Variants in AMOTL1 observed in about 807,000 individuals in gnomAD.
The protein encoded by AMOTL1 is angiomotin like 1, also known as angiomotin-like protein 1.
In AMOTL1, 45 loss-of-function variants were observed where a neutral mutation model predicts 102.9. That is an observed-to-expected ratio of 0.44 (90% CI 0.34 to 0.56). The LOEUF (loss-of-function observed/expected upper bound fraction) is 0.56, where lower values mean the gene tolerates loss of function less well. AMOTL1 is among the 20% of genes least tolerant of loss of function. The pLI, the probability that AMOTL1 is intolerant of heterozygous loss-of-function variation, is 0.01. For missense variants in AMOTL1, 1,114 were observed against 1,225.6 expected, an observed-to-expected ratio of 0.91 and a Z score of 1.36; for synonymous variants, 481 against 484.7, an observed-to-expected ratio of 0.99 and a Z score of 0.10.
chr11:94,826,496 G>T (rs149043488), intron 4 of AMOTL1, among the ~76,000 whole-genome samples: 119 of 152,198 alleles, frequency 7.8e-4, no homozygotes, highest in African/African-American at 2.5e-3. Flanking sequence ...TATCTTCTTG[G>T]CTTCCAGCGA....
At chr11:94,838,946 C>T (rs193094467) in intron 6 of AMOTL1, among the ~76,000 whole-genome samples, 291 of 152,298 alleles carry the variant, frequency 1.9e-3, no homozygotes, top group Middle Eastern at 6.8e-3. Context: ...ATAGTGAAGT[C>T]TTAGGGGTGC....
upstream of AMOTL1, among the ~76,000 whole-genome samples, chr11:94,765,060 T>G (rs1239355281): frequency 6.6e-6 from 1 of 152,208 alleles, no homozygotes; most frequent in African/African-American, 2.4e-5. Flanking sequence ...TGGGAACAGC[T>G]TGGTATCACT....
At chr11:94,860,950 G>A (rs532717189) in intron 9 of AMOTL1, among the ~76,000 whole-genome samples, 11 of 152,314 alleles carry the variant, frequency 7.2e-5, no homozygotes, top group Middle Eastern at 6.8e-3. Context: ...AATCCCCAGT[G>A]GTATGCTCAG....
intron 3 of AMOTL1, among the ~76,000 whole-genome samples, chr11:94,753,214 A>T (rs991997408): frequency 6.6e-6 from 1 of 151,752 alleles, no homozygotes; most frequent in Non-Finnish European, 1.5e-5. Context: ...GGTGATTAGG[A>T]TCAAAAGAAT....
chr11:94,808,029 T>A (rs1350828135), intron 3 of AMOTL1, among the ~76,000 whole-genome samples: 2 of 123,432 alleles, frequency 1.6e-5, no homozygotes, highest in Middle Eastern at 3.7e-3. Context: ...AAAGTCGAGC[T>A]GGAAACTGTA....
intron 7 of AMOTL1, among the ~76,000 whole-genome samples, chr11:94,853,108 ACT>A (rs1401395502): frequency 1.3e-5 from 2 of 151,726 alleles, no homozygotes; most frequent in East Asian, 3.9e-4. Context: ...GATGTCAAAA[ACT>A]CTTTTTTTAA....
intron 3 of AMOTL1, 118 bp downstream of exon 3, chr11:94,800,429 T>G (rs1951456383): frequency 2.6e-6 from 3 of 1,165,968 alleles, no homozygotes; most frequent in Non-Finnish European, 2.4e-6. Flanking sequence ...TCCTTATGCA[T>G]GATATTTAAT....
intron 2 of AMOTL1, chr11:94,740,913 G>A: frequency 7.8e-7 from 1 of 1,288,996 alleles, no homozygotes; most frequent in Non-Finnish European, 1.0e-6. Context: ...GATTCGAGTT[G>A]TTTTCTGCTT....
chr11:94,813,660 G>T (rs970687253), intron 3 of AMOTL1, among the ~76,000 whole-genome samples: 10 of 152,162 alleles, frequency 6.6e-5, no homozygotes, highest in Admixed American at 3.3e-4. Context: ...CCACACTGAA[G>T]TGCGTGTGAA....
intron 1 of AMOTL1, among the ~76,000 whole-genome samples, chr11:94,768,845 G>T (rs557191731): frequency 1.4e-4 from 22 of 152,114 alleles, no homozygotes; most frequent in African/African-American, 5.1e-4. Flanking sequence ...CCCGACGCGG[G>T]GCTGGCCTTT....
At chr11:94,808,965 C>CTTTTTTTTTTTTTTT (rs199619372) in intron 3 of AMOTL1, among the ~76,000 whole-genome samples, 8 of 111,910 alleles carry the variant, frequency 7.1e-5, no homozygotes, top group Admixed American at 1.7e-4. Flanking sequence ...TTCTTTCTTT[C>CTTTTTTTTTTTTTTT]TTTTTTTTTT....
At chr11:94,789,490 C>G (rs1405302303) in intron 1 of AMOTL1, among the ~76,000 whole-genome samples, 1 of 152,192 alleles carries the variant, frequency 6.6e-6, no homozygotes, top group African/African-American at 2.4e-5. Flanking sequence ...GTGTTGCATG[C>G]AGGTGTTTGG....
At chr11:94,842,530 CT>C (rs1046684068) in intron 6 of AMOTL1, among the ~76,000 whole-genome samples, 3 of 152,194 alleles carry the variant, frequency 2.0e-5, no homozygotes, top group Non-Finnish European at 2.9e-5. Context: ...CATTCCTATT[CT>C]TTTACATTTA....
chr11:94,724,653 T>C (rs1336334501), intron 1 of AMOTL1, among the ~76,000 whole-genome samples: 1 of 152,152 alleles, frequency 6.6e-6, no homozygotes, highest in Non-Finnish European at 1.5e-5. Context: ...CTCCTCAAGT[T>C]TGAAAGCTAC....
intron 7 of AMOTL1, among the ~76,000 whole-genome samples, chr11:94,852,208 G>A (rs1318782103): frequency 2.0e-5 from 3 of 152,180 alleles, no homozygotes; most frequent in Non-Finnish European, 4.4e-5. Context: ...AGGAATGAAA[G>A]GGCCAGATGA....
Position 94,728,838 on chromosome 11 carries a change from C to CT in AMOTL1, c.-50-80dup. ...AATGAAATGAGCTAGAAACTGACCA[C>CT]TTTCCTTCAAGAAAGCTTCTCTTCA... On this transcript the variant is annotated intron_variant, in intron 1 of 4. Transcript: ENST00000299004. The CT allele has an allele frequency of 5.0e-6, 3 of 605,174 alleles. No homozygotes were observed. The South Asian group carries it at 5.8e-5, about 12-fold the overall frequency. The allele number at this position is 605,174 out of a possible 1,614,324, so 37.5% of individuals were successfully genotyped here.
chr11:94,823,454 A>G (rs1387160278), intron 4 of AMOTL1, among the ~76,000 whole-genome samples: 1 of 152,270 alleles, frequency 6.6e-6, no homozygotes, highest in South Asian at 2.1e-4. Context: ...CACAGGCCCA[A>G]GCTTGCCTCT....
intron 1 of AMOTL1, among the ~76,000 whole-genome samples, chr11:94,713,358 C>T (rs1950047797): frequency 6.6e-6 from 1 of 151,864 alleles, no homozygotes; most frequent in Non-Finnish European, 1.5e-5. Context: ...TTTAGAGATC[C>T]TTGGGACTTT....
At chr11:94,796,896 A>G (rs545270076) in intron 2 of AMOTL1, 295 of 607,604 alleles carry the variant, frequency 4.9e-4, no homozygotes, top group Non-Finnish European at 5.9e-4. Flanking sequence ...ATGTATTAAT[A>G]TACATATATG....
Sources: gnomAD v4.1 joint callset for allele counts (sites outside exome capture counted in the v4.1 genomes callset) on GRCh38, gnomAD v4.1.1 for gene constraint, MANE v1.5 for transcripts, NCBI Gene and HGNC (gene_info 2026-07-23, HGNC 2026-07-21) for gene names.